The following EPS8 variants were observed in gnomAD, a reference collection of about 807,000 sequenced individuals.
The protein encoded by EPS8 is EGFR pathway substrate 8, signaling adaptor.
A neutral mutation model predicts 103.8 loss-of-function variants in EPS8; 42 were observed. That is an observed-to-expected ratio of 0.40 (90% CI 0.32 to 0.52). The LOEUF is 0.52. Ranked by LOEUF, EPS8 falls within the 20% of genes least tolerant of loss-of-function variation. EPS8 has a pLI of 0.40. For missense variants in EPS8, 969 were observed against 1,005.1 expected (o/e 0.96, Z 0.49); for synonymous variants, 344 against 344.6 (o/e 1.00, Z 0.02).
intron 1 of EPS8, among the ~76,000 whole-genome samples, chr12:15,718,811 C>T (rs1365072892): frequency 6.4e-5 from 6 of 93,308 alleles, no homozygotes; most frequent in Admixed American, 5.6e-4. Context: ...CTAAACAAAA[C>T]GACAGGACTA....
intron 1 of EPS8, among the ~76,000 whole-genome samples, chr12:15,707,174 A>G (rs1263018638): frequency 6.6e-6 from 1 of 152,164 alleles, no homozygotes; most frequent in Non-Finnish European, 1.5e-5. Context: ...AACAAGTCTA[A>G]CTTTTTTCTT....
chr12:15,636,982 T>C (rs902743729), intron 17 of EPS8, among the ~76,000 whole-genome samples: 3 of 152,222 alleles, frequency 2.0e-5, no homozygotes, highest in Non-Finnish European at 4.4e-5. Flanking sequence ...AGAAAAACTA[T>C]GGGTTTATAC....
chr12:15,629,900 A>G (rs1207705137), intron 18 of EPS8, among the ~76,000 whole-genome samples: 1 of 152,172 alleles, frequency 6.6e-6, no homozygotes, highest in Non-Finnish European at 1.5e-5. Flanking sequence ...CAGTAGGATG[A>G]AAATGGGAGT....
At position 15,751,931 on chromosome 12, in the gene EPS8, A is replaced by G. The variant is rs1946936970; in HGVS notation, c.-22+37230T>C. Among the ~76,000 whole-genome samples the G allele has an allele frequency of 6.6e-6, 1 of 152,116 alleles. No homozygotes were observed. Among genetic ancestry groups the G allele is most frequent in the Non-Finnish European group, 1.5e-5 (1 of 68,036 alleles). On this transcript the variant is annotated intron_variant, in intron 1 of 20. Coordinates refer to ENST00000281172, the MANE Select transcript of EPS8 (RefSeq NM_004447.6). This position sits in a 1 kb window ranked among gnomAD's most constrained non-coding sequence, Gnocchi z 4.3. ...GGGCGTGGGGGAGGTGGAGAGCCAG[A>G]AAAGTGTAGAAAATCAAGGAGGATT...
In EPS8 at chr12:15,635,584, A is replaced by G. The variant is rs76906772; in HGVS notation, c.1822-3920T>C. Among the ~76,000 whole-genome samples, 266 of 152,298 alleles carry G rather than the reference A, an allele frequency of 1.7e-3. 1 individual carries two copies. Among genetic ancestry groups the G allele is most frequent in the African/African-American group, 6.1e-3 (255 of 41,574 alleles). On this transcript the variant is annotated intron_variant, in intron 17 of 20. Coordinates refer to ENST00000281172, the MANE Select transcript of EPS8 (RefSeq NM_004447.6). ...CAGAGCACTAATAACATAGGCTGAAATTAGTAGTGTTAGCGGTTTAGTAGT... is the reference window on the plus strand; with the variant it reads ...CAGAGCACTAATAACATAGGCTGAAGTTAGTAGTGTTAGCGGTTTAGTAGT...
chr12:15,623,695 T>C (rs916828924), intron 19 of EPS8, among the ~76,000 whole-genome samples: 1 of 152,214 alleles, frequency 6.6e-6, no homozygotes, highest in Non-Finnish European at 1.5e-5. Flanking sequence ...ATTCTAATAG[T>C]TCATTGTGCC....
intron 1 of EPS8, among the ~76,000 whole-genome samples, chr12:15,774,817 T>A (rs1947191628): frequency 6.6e-6 from 1 of 151,728 alleles, no homozygotes. Context: ...TTGACAAATA[T>A]TTATCTAAAG....
At chr12:15,641,539 G>A (rs1247029591) in intron 16 of EPS8, among the ~76,000 whole-genome samples, 183 bp downstream of exon 16, 1 of 151,774 alleles carries the variant, frequency 6.6e-6, no homozygotes, top group Non-Finnish European at 1.5e-5. Context: ...AAATAAAGGA[G>A]TATTCTAAAG....
chr12:15,754,491 A>C (rs1946965273), intron 1 of EPS8, among the ~76,000 whole-genome samples: 1 of 152,152 alleles, frequency 6.6e-6, no homozygotes, highest in Admixed American at 6.5e-5. Flanking sequence ...TGATCTGAGG[A>C]TTTAGTAGTT....
chr12:15,705,269 G>C (rs1946369963), intron 1 of EPS8, among the ~76,000 whole-genome samples: 1 of 152,120 alleles, frequency 6.6e-6, no homozygotes, highest in Admixed American at 6.5e-5. Context: ...CTACTGAGGA[G>C]ATAAAATAAG....
intron 18 of EPS8, among the ~76,000 whole-genome samples, chr12:15,625,535 G>A (rs889386671): frequency 2.0e-5 from 3 of 151,932 alleles, no homozygotes; most frequent in East Asian, 3.9e-4. Flanking sequence ...TAATGTCGCC[G>A]AAATTCAATT....
rs376332318 is a variant in EPS8 at position 15,705,084 on chromosome 12, C to T, written c.-21-22112G>A. Among the ~76,000 whole-genome samples, 96 of 152,226 alleles carry T rather than the reference C, an allele frequency of 6.3e-4. No homozygotes were observed. The South Asian group carries it at 7.7e-3, about 12-fold the overall frequency. On this transcript the variant is annotated intron_variant, in intron 1 of 20. Transcript: ENST00000281172. ...ACAAAAGCAATAAACTGAACTGCAT[C>T]TTGAAGGAAAAAAAAGCTCGCTGGT...
chr12:15,640,457 G>C (rs1329422115), intron 17 of EPS8, among the ~76,000 whole-genome samples: 2 of 152,088 alleles, frequency 1.3e-5, no homozygotes, highest in Non-Finnish European at 2.9e-5. Context: ...GGGAAAAAAA[G>C]CATTCAGAGA....
intron 1 of EPS8, among the ~76,000 whole-genome samples, chr12:15,774,417 A>G (rs898473954): frequency 4.0e-5 from 6 of 150,532 alleles, no homozygotes; most frequent in African/African-American, 1.5e-4. Context: ...CAGAACTTGG[A>G]AAATTATTAG....
chr12:15,741,628 A>G (rs1168021861), intron 1 of EPS8, among the ~76,000 whole-genome samples: 1 of 152,198 alleles, frequency 6.6e-6, no homozygotes, highest in African/African-American at 2.4e-5. Flanking sequence ...ATCATCTTTT[A>G]AAGCGTAAAG....
chr12:15,692,259 T>G (rs1445916806), intron 1 of EPS8, among the ~76,000 whole-genome samples: 1 of 152,116 alleles, frequency 6.6e-6, no homozygotes, highest in African/African-American at 2.4e-5. Context: ...GTGTTTATTT[T>G]ACCTTTACAC....
At chr12:15,710,802 A>C (rs1197861108) in intron 1 of EPS8, among the ~76,000 whole-genome samples, 1 of 152,166 alleles carries the variant, frequency 6.6e-6, no homozygotes, top group East Asian at 1.9e-4. Flanking sequence ...CAAAAAGACT[A>C]CATGATAACC....
At chr12:15,655,005 G>C (rs73311043) in intron 12 of EPS8, among the ~76,000 whole-genome samples, 2,104 of 152,162 alleles carry the variant, frequency 0.014, 49 homozygotes, top group African/African-American at 0.048. Flanking sequence ...AAAAATGGTA[G>C]TTATCTCCTA....
chr12:15,680,835 T>C (rs908806694), intron 3 of EPS8, among the ~76,000 whole-genome samples: 1 of 152,068 alleles, frequency 6.6e-6, no homozygotes, highest in East Asian at 1.9e-4. Context: ...CTATTAGACA[T>C]ACTGTAATAA....
Sources: allele counts gnomAD v4.1 joint callset (sites outside exome capture counted in the v4.1 genomes callset), GRCh38; gene constraint gnomAD v4.1.1; non-coding constraint Gnocchi (gnomAD v3.1); transcripts MANE v1.5; gene names NCBI Gene and HGNC (gene_info 2026-07-23, HGNC 2026-07-21).